Variants in PCDHA1 observed in about 807,000 individuals in gnomAD.
PCDHA1 encodes the protein protocadherin alpha-1.
In PCDHA1, 42 loss-of-function variants were observed where a neutral mutation model predicts 61.3. The observed-to-expected ratio is 0.69, with a 90% confidence interval of 0.54 to 0.89. The LOEUF (loss-of-function observed/expected upper bound fraction) is 0.89. Among genes scored for constraint, PCDHA1 ranks in the 40% least tolerant of loss-of-function variants. The probability of loss-of-function intolerance (pLI) is 0.00; values close to 1 mark genes in which losing one functional copy is unlikely to be tolerated. For synonymous variants in PCDHA1, 610 were observed against 553.8 expected (o/e 1.10, Z -1.43); for missense variants, 1,256 against 1,235.3 (o/e 1.02, Z -0.25).
chr5:140,945,041 C>T (rs2093729370), intron 1 of PCDHA1, among the ~76,000 whole-genome samples: 1 of 151,978 alleles, frequency 6.6e-6, no homozygotes, highest in African/African-American at 2.4e-5. Flanking sequence ...TATCTTTGGT[C>T]TTATATAAAG....
At chr5:140,966,642 G>C (rs897727830) in intron 1 of PCDHA1, 15 of 1,117,790 alleles carry the variant, frequency 1.3e-5, no homozygotes, top group Non-Finnish European at 1.8e-5. Context: ...GCGCTTTCTA[G>C]AGCGTGAGCG....
intron 1 of PCDHA1, among the ~76,000 whole-genome samples, chr5:140,907,247 T>C (rs1328809549): frequency 1.3e-5 from 2 of 152,216 alleles, no homozygotes; most frequent in Non-Finnish European, 2.9e-5. Context: ...GACATTGTAA[T>C]TGTGACTTCA....
intron 1 of PCDHA1, chr5:140,815,407 T>TA (rs1765720379): frequency 1.3e-5 from 2 of 152,120 alleles, no homozygotes; most frequent in South Asian, 4.1e-4. Context: ...AAAACTCTTA[T>TA]AAAAATGTAT....
chr5:140,863,171 C>T (rs782749533), intron 1 of PCDHA1: 11 of 696,670 alleles, frequency 1.6e-5, no homozygotes, highest in Non-Finnish European at 2.8e-5. Flanking sequence ...CTGGCGCTGA[C>T]TGCCACCGTC....
rs75032728 is a variant in PCDHA1 at position 140,932,740 on chromosome 5, T to C, written c.2395-46209T>C. On this transcript the variant is annotated intron_variant, in intron 1 of 3. Coordinates refer to ENST00000504120, the MANE Select transcript of PCDHA1 (RefSeq NM_018900.4). The stretch of plus-strand genomic sequence containing the variant: ...ATATTGTATAATATAGACCCTCAAA[T>C]CAGTAAAAAGGAAAGAAAAAGAACA... 5.5e-3 allele frequency among the ~76,000 whole-genome samples: 829 copies of C among 151,670 alleles called. 4 individuals carry two copies. The highest frequency in any genetic ancestry group is 0.019 in the African/African-American group (798 of 41,410).
chr5:140,845,039 C>T (rs1485557365), intron 1 of PCDHA1, among the ~76,000 whole-genome samples: 2 of 149,068 alleles, frequency 1.3e-5, no homozygotes, highest in Non-Finnish European at 3.0e-5. Context: ...ATTTTAGCCC[C>T]CTTGTCCAAC....
In PCDHA1 at chr5:140,821,608, T is replaced by C. The variant is rs1767011676; in HGVS notation, c.2394+32924T>C. ...CCTTCCCAGCCTCAAAGGAATACAG[T>C]GAGTAGATTTTCCTTAGACAGAAAG... On this transcript the variant is annotated intron_variant, in intron 1 of 3. Transcript: ENST00000504120. The C allele has an allele frequency of 6.6e-6, 5 of 759,916 alleles. No individual in the cohort carries two copies. The South Asian group carries it at 8.7e-5, about 13-fold the overall frequency. The allele number at this position is 759,916 out of a possible 1,614,324, so 47.1% of individuals were successfully genotyped here. A position where few individuals can be genotyped will look rare whatever the true frequency, so the allele number is the denominator to read the frequency against.
intron 1 of PCDHA1, among the ~76,000 whole-genome samples, chr5:140,879,282 A>T (rs1554170732): frequency 1.3e-5 from 2 of 152,238 alleles, no homozygotes; most frequent in Non-Finnish European, 2.9e-5. Context: ...ACTCAATACA[A>T]ATGATAAGAG....
intron 1 of PCDHA1, among the ~76,000 whole-genome samples, chr5:140,922,557 CA>C (rs1214132732): frequency 3.2e-4 from 49 of 152,258 alleles, no homozygotes; most frequent in African/African-American, 1.1e-3. Context: ...GGAGAAAAGT[CA>C]GGATGACAAG....
chr5:140,947,760 A>G (rs1332466215), intron 1 of PCDHA1, among the ~76,000 whole-genome samples: 1 of 151,618 alleles, frequency 6.6e-6, no homozygotes, highest in Admixed American at 6.6e-5. Context: ...TTATGGTTTA[A>G]AAAATTCTAT....
chr5:140,803,145 C>A, intron 1 of PCDHA1: 1 of 1,613,886 alleles, frequency 6.2e-7, no homozygotes, highest in African/African-American at 1.3e-5. Context: ...CCTACTGGTG[C>A]TGGTGAAGGA....
At chr5:140,822,266 A>G in intron 1 of PCDHA1, 3 of 1,614,270 alleles carry the variant, frequency 1.9e-6, no homozygotes, top group Non-Finnish European at 2.5e-6. Context: ...ATTGGAGCAA[A>G]TGCACAATTG....
intron 1 of PCDHA1, chr5:140,807,779 A>G (rs1562212438): frequency 6.2e-7 from 1 of 1,614,134 alleles, no homozygotes; most frequent in East Asian, 2.2e-5. Context: ...TATATTACGG[A>G]AATCTTTAGA....
At chr5:140,928,109 A>C (rs1472439079) in intron 1 of PCDHA1, 1 of 1,613,986 alleles carries the variant, frequency 6.2e-7, no homozygotes, top group African/African-American at 1.3e-5. Context: ...CTGGACCGGG[A>C]GCAGATCAGT....
chr5:140,885,485 T>C (rs2060611651), intron 1 of PCDHA1, among the ~76,000 whole-genome samples: 1 of 152,188 alleles, frequency 6.6e-6, no homozygotes, highest in Non-Finnish European at 1.5e-5. Context: ...GTGTCAAGTG[T>C]TCTGTTATCT....
At position 140,834,737 on chromosome 5, in the gene PCDHA1, T is replaced by G. The variant is rs2150225179; in HGVS notation, c.2394+46053T>G. ...TGGAAAGGCCGCTGCAGGTTTTCCATGTGGACGTGGAGGTGAAGGACATTA... is the reference window on the plus strand; with the variant it reads ...TGGAAAGGCCGCTGCAGGTTTTCCAGGTGGACGTGGAGGTGAAGGACATTA... On this transcript the variant is annotated intron_variant, in intron 1 of 3. Coordinates refer to ENST00000504120, the MANE Select transcript of PCDHA1 (RefSeq NM_018900.4). The G allele has an allele frequency of 1.1e-5, 18 of 1,614,112 alleles. No homozygotes were observed. The East Asian group carries it at 4.0e-4, about 36-fold the overall frequency.
chr5:140,823,816 G>A (rs1447346470), intron 1 of PCDHA1: 1 of 1,613,806 alleles, frequency 6.2e-7, no homozygotes, highest in Admixed American at 1.7e-5. Context: ...CTCATCGCGG[G>A]CGTCGGCGGG....
At chr5:140,936,240 CAT>C (rs1282249217) in intron 1 of PCDHA1, among the ~76,000 whole-genome samples, 3 of 152,152 alleles carry the variant, frequency 2.0e-5, no homozygotes, top group Non-Finnish European at 4.4e-5. Flanking sequence ...TTAAAGAAAA[CAT>C]ATCCTGCTTC....
chr5:140,825,239 A>G (rs913025032), intron 1 of PCDHA1: 3 of 151,408 alleles, frequency 2.0e-5, no homozygotes, highest in Non-Finnish European at 4.4e-5. Context: ...ATCTGGATCT[A>G]TGGTGTTCCA....
Sources: gnomAD v4.1 joint callset for allele counts (sites outside exome capture counted in the v4.1 genomes callset) on GRCh38, gnomAD v4.1.1 for gene constraint, MANE v1.5 for transcripts, NCBI Gene and HGNC (gene_info 2026-07-23, HGNC 2026-07-21) for gene names.